AGFG2: variants seen among roughly 807,000 people sequenced by gnomAD.
AGFG2 encodes the protein ArfGAP with FG repeats 2, also known as arf-GAP domain and FG repeat-containing protein 2.
A neutral mutation model predicts 48.0 loss-of-function variants in AGFG2; 31 were observed. That is an observed-to-expected ratio of 0.65 (90% CI 0.49 to 0.87). The LOEUF (loss-of-function observed/expected upper bound fraction) is 0.87, where lower values mean the gene tolerates loss of function less well. Among genes scored for constraint, AGFG2 ranks in the 40% least tolerant of loss-of-function variants. The pLI is 0.00. For missense variants in AGFG2, 599 were observed against 632.6 expected, an observed-to-expected ratio of 0.95 and a Z score of 0.57; for synonymous variants, 229 against 260.8, an observed-to-expected ratio of 0.88 and a Z score of 1.18.
chr7:100,546,628 A>C (rs934548744), intron 1 of AGFG2, among the ~76,000 whole-genome samples: 3 of 152,120 alleles, frequency 2.0e-5, no homozygotes, highest in Admixed American at 2.0e-4. Flanking sequence ...TGTTTTGGCA[A>C]AGTAAATTTT....
chr7:100,547,871 T>A lies in AGFG2; in HGVS notation c.222-951T>A, dbSNP rs369908701. On this transcript the variant is annotated intron_variant, in intron 1 of 11. Coordinates refer to ENST00000300176, the MANE Select transcript of AGFG2 (RefSeq NM_006076.5). ...AATATTTCTTTTCCTAGAGATGGCTTCCTGAAAGAGAGGGACCCTCTCCAT... is the reference window on the plus strand; with the variant it reads ...AATATTTCTTTTCCTAGAGATGGCTACCTGAAAGAGAGGGACCCTCTCCAT... 2.8e-4 allele frequency among the ~76,000 whole-genome samples: 43 copies of A among 152,314 alleles called. No individual in the cohort carries two copies. The South Asian group carries it at 8.9e-3, about 32-fold the overall frequency.
rs1479568885 is a variant in AGFG2 at position 100,562,210 on chromosome 7, G to A, written c.878-49G>A. ...CTCCATCTGCTCTCCTGCCCCTCCC[G>A]CCCTGTCTTACCTCAGCTCTCCCTG... On this transcript the variant is annotated intron_variant, in intron 6 of 11. Transcript: ENST00000300176. The surrounding 1 kb of genome is among the most constrained non-coding windows in gnomAD (Gnocchi z 5.4). 2.5e-6 allele frequency: 4 copies of A among 1,591,926 alleles called. No individual in the cohort carries two copies. Among genetic ancestry groups the A allele is most frequent in the South Asian group, 1.1e-5 (1 of 89,574 alleles).
At chr7:100,548,729 T>G (rs1800561247) in intron 1 of AGFG2, 93 bp from the exon 2 acceptor site, 1 of 914,688 alleles carries the variant, frequency 1.1e-6, no homozygotes, top group East Asian at 2.5e-5. Flanking sequence ...TATGCTATTC[T>G]TTCACCCTTT....
chr7:100,544,933 G>A (rs527814748), intron 1 of AGFG2, among the ~76,000 whole-genome samples: 2 of 152,260 alleles, frequency 1.3e-5, no homozygotes, highest in African/African-American at 4.8e-5. Context: ...CAGGAAGAGG[G>A]TTCCTAAAAT....
intron 3 of AGFG2, among the ~76,000 whole-genome samples, chr7:100,551,294 C>T (rs1800639303): frequency 6.6e-6 from 1 of 151,058 alleles, no homozygotes; most frequent in South Asian, 2.1e-4. Flanking sequence ...TGGTCTCGAT[C>T]TCCTGACCTC....
Position 100,558,527 on chromosome 7 carries a change from TTTTTTG to T in AGFG2, c.877+2810_877+2815del, listed in dbSNP as rs1011653842. On this transcript the variant is annotated intron_variant, in intron 6 of 11. Transcript: ENST00000300176. The stretch of plus-strand genomic sequence containing the variant: ...AATTGATTGCTCTAAAGACAGAGTT[TTTTTTG>T]TTTTTGTTTTTGTTTTTTTTTTTTT... 1.8e-4 allele frequency among the ~76,000 whole-genome samples: 27 copies of T among 151,648 alleles called. No homozygotes were observed. The South Asian group carries it at 2.1e-3, about 12-fold the overall frequency.
chr7:100,547,900 A>G (rs1584381884), intron 1 of AGFG2, among the ~76,000 whole-genome samples: 1 of 152,104 alleles, frequency 6.6e-6, no homozygotes, highest in Admixed American at 6.6e-5. Context: ...TCTCCATCCC[A>G]CCACCACTCC....
chr7:100,562,577 C>G lies in AGFG2; in HGVS notation c.999-17C>G, dbSNP rs780470010. On this transcript the variant is annotated splice_polypyrimidine_tract_variant and intron_variant, in intron 7 of 11. Transcript: ENST00000300176. The surrounding 1 kb of genome is among the most constrained non-coding windows in gnomAD (Gnocchi z 5.4). ...GCCCTGGCAGCTGTGTATGACTTCTCTCTCCCCGTGTTGTAGCCTCTTCGG... is the reference window on the plus strand; with the variant it reads ...GCCCTGGCAGCTGTGTATGACTTCTGTCTCCCCGTGTTGTAGCCTCTTCGG... 2.5e-6 allele frequency: 4 copies of G among 1,613,520 alleles called. No homozygotes were observed. Among genetic ancestry groups the G allele is most frequent in the Admixed American group, 1.7e-5 (1 of 60,012 alleles).
At chr7:100,559,888 TC>T (rs1199985307) in intron 6 of AGFG2, among the ~76,000 whole-genome samples, 1 of 150,766 alleles carries the variant, frequency 6.6e-6, no homozygotes, top group African/African-American at 2.4e-5. Flanking sequence ...GGCCACCGCC[TC>T]CTTTGTGAGA....
At chr7:100,553,565 G>A in intron 4 of AGFG2, 65 bp downstream of exon 4, 1 of 1,541,140 alleles carries the variant, frequency 6.5e-7, no homozygotes, top group Non-Finnish European at 8.8e-7. Flanking sequence ...TCAGTTTCCT[G>A]AATCAGATTC....
intron 9 of AGFG2, 68 bp downstream of exon 9, chr7:100,563,014 C>G (rs1344568374): frequency 1.4e-6 from 2 of 1,439,046 alleles, no homozygotes; most frequent in African/African-American, 2.8e-5. Flanking sequence ...ACCCTGCAGC[C>G]TCTCCCTTAA....
At chr7:100,551,032 A>T (rs1373011166) in intron 3 of AGFG2, among the ~76,000 whole-genome samples, 84 of 31,674 alleles carry the variant, frequency 2.7e-3, no homozygotes, top group African/African-American at 9.0e-3. Context: ...TGGCTAATTT[A>T]TATATATATA....
At position 100,550,526 on chromosome 7, in the gene AGFG2, A is replaced by T; in HGVS notation, c.431+15A>T. 6.3e-7 allele frequency: 1 copy of T among 1,581,430 alleles called. No individual in the cohort carries two copies. Among genetic ancestry groups the T allele is most frequent in the Non-Finnish European group, 8.7e-7 (1 of 1,151,338 alleles). ...AAGAAGAGATGGTAAGGAGTAGGAA[A>T]GAGGTTGCTATGGAAACGTGTTCAA... On this transcript the variant is annotated intron_variant, in intron 3 of 11. Transcript: ENST00000300176.
At position 100,548,855 on chromosome 7, in the gene AGFG2, A is replaced by G. The variant is rs1193305386; in HGVS notation, c.255A>G (p.Ser85=). Residue 85 remains serine, a synonymous_variant, in exon 2 of 12, where the codon TCA becomes TCG. Coordinates refer to ENST00000300176, the MANE Select transcript of AGFG2 (RefSeq NM_006076.5). The part of the protein sequence containing the change: ...RGLNPPHRVK[S]ISMTTFTEPE... ...TGAACCCCCCTCATCGTGTCAAGTC[A>G]ATCTCCATGACAACTTTCACTGAGC... The G allele has an allele frequency of 6.2e-7, 1 of 1,613,478 alleles. No individual in the cohort carries two copies. Among genetic ancestry groups the G allele is most frequent in the Non-Finnish European group, 8.5e-7 (1 of 1,179,778 alleles).
intron 1 of AGFG2, among the ~76,000 whole-genome samples, chr7:100,547,931 G>A (rs1443664188): frequency 1.3e-5 from 2 of 152,212 alleles, no homozygotes; most frequent in East Asian, 1.9e-4. Context: ...GTAGACACAA[G>A]GAGGACCAGC....
chr7:100,542,739 C>T (rs1800445016), intron 1 of AGFG2, among the ~76,000 whole-genome samples: 1 of 152,138 alleles, frequency 6.6e-6, no homozygotes, highest in South Asian at 2.1e-4. Flanking sequence ...GACCAATTAG[C>T]ATCTTAAATC....
intron 6 of AGFG2, among the ~76,000 whole-genome samples, chr7:100,561,954 G>A (rs538047448): frequency 3.9e-5 from 6 of 152,290 alleles, no homozygotes; most frequent in African/African-American, 1.4e-4. Flanking sequence ...AGACATGAAA[G>A]CCAAACTGGA....
intron 3 of AGFG2, among the ~76,000 whole-genome samples, chr7:100,551,067 T>TATATATATATATATATATATATATATA (rs1562791931): frequency 1.0e-5 from 1 of 96,800 alleles, no homozygotes; most frequent in Non-Finnish European, 2.1e-5. Context: ...TATATATATA[T>TATATATATATATATATATATATATATA]TTCTTTTTTT....
At chr7:100,542,870 C>G (rs1247002849) in intron 1 of AGFG2, among the ~76,000 whole-genome samples, 1 of 152,150 alleles carries the variant, frequency 6.6e-6, no homozygotes. Flanking sequence ...CAGTGCCTAT[C>G]AAGCGCCAGA....
Sources: gnomAD v4.1 joint callset for allele counts (sites outside exome capture counted in the v4.1 genomes callset) on GRCh38, gnomAD v4.1.1 for gene constraint, Gnocchi (gnomAD v3.1) non-coding constraint, MANE v1.5 for transcripts, NCBI Gene and HGNC (gene_info 2026-07-23, HGNC 2026-07-21) for gene names.